The following ABR variants were observed in gnomAD, a reference collection of about 807,000 sequenced individuals.
ABR encodes ABR activator of RhoGEF and GTPase, also known as active breakpoint cluster region-related protein.
In ABR, 35 loss-of-function variants were observed where a neutral mutation model predicts 107.2. The ratio of observed to expected loss-of-function variants is 0.33; its 90% CI spans 0.25 to 0.43. The LOEUF (loss-of-function observed/expected upper bound fraction) is 0.43. ABR is among the 20% of genes least tolerant of loss of function. The pLI, the probability that ABR is intolerant of heterozygous loss-of-function variation, is 1.00. For missense variants in ABR, 815 were observed against 1,115.2 expected (o/e 0.73, Z 3.83); for synonymous variants, 498 against 462.0 (o/e 1.08, Z -1.00).
intron 10 of ABR, among the ~76,000 whole-genome samples, chr17:1,061,325 C>T (rs555059281): frequency 6.6e-6 from 1 of 152,300 alleles, no homozygotes; most frequent in Non-Finnish European, 1.5e-5. Context: ...GGGCAGGGCC[C>T]AGCCGTTCAG....
Position 1,179,518 on chromosome 17 carries a change from A to C in ABR, c.61+149T>G. The C allele has an allele frequency of 2.7e-6, 2 of 733,522 alleles. No homozygotes were observed. The highest frequency in any genetic ancestry group is 3.7e-6 in the Non-Finnish European group (2 of 539,348). The allele number at this position is 733,522 out of a possible 1,614,324, so 45.4% of individuals were successfully genotyped here. ...CAACCCGACCCCGATCCGGACCCCGATCTCGCCCCCGCCCGCGCTCCCCGG... is the reference window on the plus strand; with the variant it reads ...CAACCCGACCCCGATCCGGACCCCGCTCTCGCCCCCGCCCGCGCTCCCCGG... On this transcript the variant is annotated intron_variant, in intron 1 of 22. Transcript: ENST00000302538. This position sits in a 1 kb window ranked among gnomAD's most constrained non-coding sequence, Gnocchi z 4.9.
At chr17:1,061,909 C>G (rs750803964) in intron 10 of ABR, among the ~76,000 whole-genome samples, 18 of 152,178 alleles carry the variant, frequency 1.2e-4, no homozygotes, top group Non-Finnish European at 2.5e-4. Flanking sequence ...ATAGCGCTGT[C>G]CCTGGAGTTC....
Position 1,149,820 on chromosome 17 carries a change from C to G in ABR, c.62-24453G>C, listed in dbSNP as rs76226581. On this transcript the variant is annotated intron_variant, in intron 1 of 22. Coordinates refer to ENST00000302538, the MANE Select transcript of ABR (RefSeq NM_021962.5). ...ACCTGTCAGCTCCAAATGCCAGGAG[C>G]CAGGCTCTCCGAATTCCACTCCCAG... is the stretch of plus-strand genomic sequence containing the variant. 3.3e-3 allele frequency among the ~76,000 whole-genome samples: 500 copies of G among 152,344 alleles called. 3 individuals are homozygous for G. Among genetic ancestry groups the G allele is most frequent in the African/African-American group, 0.011 (452 of 41,572 alleles).
intron 2 of ABR, among the ~76,000 whole-genome samples, chr17:1,121,080 C>T (rs1469608959): frequency 6.6e-6 from 1 of 152,254 alleles, no homozygotes; most frequent in African/African-American, 2.4e-5. Context: ...GTCTGTGGGC[C>T]TGGCCCTGCC....
intron 2 of ABR, among the ~76,000 whole-genome samples, chr17:1,122,324 T>C (rs1418222526): frequency 2.0e-5 from 3 of 152,252 alleles, no homozygotes; most frequent in Non-Finnish European, 4.4e-5. Flanking sequence ...GGTGTCCAGA[T>C]ACTTGTCCAA....
At chr17:1,165,953 C>T (rs932948087) in intron 1 of ABR, among the ~76,000 whole-genome samples, 1 of 152,034 alleles carries the variant, frequency 6.6e-6, no homozygotes, top group African/African-American at 2.4e-5. Flanking sequence ...TCCCCAGAGC[C>T]CACGCAGATG....
intron 1 of ABR, among the ~76,000 whole-genome samples, chr17:1,142,608 G>A (rs1200470832): frequency 1.3e-5 from 2 of 151,688 alleles, no homozygotes; most frequent in Non-Finnish European, 2.9e-5. Context: ...AAAATACTCT[G>A]AAGCAGCCTA....
intron 2 of ABR, among the ~76,000 whole-genome samples, chr17:1,110,345 ATGAGGGTGCGGGTGAGGCC>A (rs957211250): frequency 6.6e-6 from 1 of 151,938 alleles, no homozygotes; most frequent in African/African-American, 2.4e-5. Context: ...AACGGCACCC[ATGAGGGTGCGGGTGAGGCC>A]TGCGGGTGAG....
Position 1,006,041 on chromosome 17 carries a change from G to A in ABR, c.*39C>T, listed in dbSNP as rs929452368. On this transcript the variant is annotated 3_prime_UTR_variant, in exon 23 of 23. Coordinates refer to ENST00000302538, the MANE Select transcript of ABR (RefSeq NM_021962.5). ...CTGAGTTGGACCCCAGGCTGGAGGG[G>A]CTGGTTCCACCACCCGCCCGCAGCC... 1.3e-5 allele frequency: 19 copies of A among 1,508,206 alleles called. No individual in the cohort carries two copies. The highest frequency in any genetic ancestry group is 3.9e-5 in the Admixed American group (2 of 50,980). 93.4% of individuals were successfully genotyped at this position (1,508,206 alleles called of 1,614,324 possible).
intron 2 of ABR, among the ~76,000 whole-genome samples, chr17:1,101,836 C>T (rs1293705930): frequency 1.3e-5 from 2 of 151,724 alleles, no homozygotes; most frequent in Non-Finnish European, 2.9e-5. Flanking sequence ...CGGGTTCACG[C>T]CATTCTCCTG....
chr17:1,085,354 G>A (rs1200864765), intron 4 of ABR, among the ~76,000 whole-genome samples: 2 of 151,072 alleles, frequency 1.3e-5, no homozygotes, highest in East Asian at 3.9e-4. Flanking sequence ...CTGACCTCGT[G>A]ATCCACCCGC....
chr17:1,139,548 G>A (rs1290304076), intron 1 of ABR, among the ~76,000 whole-genome samples: 5 of 136,814 alleles, frequency 3.7e-5, no homozygotes, highest in Non-Finnish European at 5.0e-5. Flanking sequence ...CACCGTGCCC[G>A]GCCTGTTTTT....
At chr17:1,222,933 G>C (rs950303915) in intron 1 of ABR, among the ~76,000 whole-genome samples, 4 of 137,644 alleles carry the variant, frequency 2.9e-5, no homozygotes, top group African/African-American at 1.1e-4. Context: ...CAGGGACAGT[G>C]GCTTACACCT....
At chr17:1,171,347 T>C (rs566407593) in intron 1 of ABR, among the ~76,000 whole-genome samples, 13 of 152,296 alleles carry the variant, frequency 8.5e-5, no homozygotes, top group Admixed American at 6.5e-5. Flanking sequence ...AAGGTAATGA[T>C]GGCCACATCC....
At chr17:1,215,388 G>A (rs1237023026) in intron 1 of ABR, among the ~76,000 whole-genome samples, 21 of 152,296 alleles carry the variant, frequency 1.4e-4, no homozygotes, top group South Asian at 2.1e-4. Flanking sequence ...GCAGGCGCGC[G>A]CTGCCATGCC....
chr17:1,174,320 T>G (rs553374511), intron 1 of ABR, among the ~76,000 whole-genome samples: 1 of 152,236 alleles, frequency 6.6e-6, no homozygotes, highest in South Asian at 2.1e-4. Flanking sequence ...ACTGGGCTAT[T>G]CCGAAAACAA....
At chr17:1,066,374 G>C (rs1275353667) in intron 10 of ABR, among the ~76,000 whole-genome samples, 1 of 152,176 alleles carries the variant, frequency 6.6e-6, no homozygotes, top group Non-Finnish European at 1.5e-5. Flanking sequence ...TTTAAGTCAA[G>C]CATGTTAATT....
At position 1,179,863 on chromosome 17, in the gene ABR, G is replaced by C; in HGVS notation, c.-136C>G. Reference sequence around the variant, plus strand: ...GAGGCCGGGAACCAGGTCCCCGGGAGGAGCGCGGGGCGGCCGGGGCAGGGG... The same window carrying C: ...GAGGCCGGGAACCAGGTCCCCGGGACGAGCGCGGGGCGGCCGGGGCAGGGG... On this transcript the variant is annotated 5_prime_UTR_variant, in exon 1 of 23. Coordinates refer to ENST00000302538, the MANE Select transcript of ABR (RefSeq NM_021962.5). The surrounding 1 kb of genome is among the most constrained non-coding windows in gnomAD (Gnocchi z 4.9). 1 of 902,690 alleles carries C rather than the reference G, an allele frequency of 1.1e-6. No homozygotes were observed. 55.9% of individuals were successfully genotyped at this position (902,690 alleles called of 1,614,324 possible).
rs2041093229 is a variant in ABR at position 1,157,509 on chromosome 17, C to T, written c.61+22158G>A. On this transcript the variant is annotated intron_variant, in intron 1 of 22. Coordinates refer to ENST00000302538, the MANE Select transcript of ABR (RefSeq NM_021962.5). The surrounding 1 kb of genome is among the most constrained non-coding windows in gnomAD (Gnocchi z 4.7). ...CATGTGATCTGCCTGCCTCGGCCTCCCAAAGTGCTGGGATTACAGGCGTGA... is the reference window on the plus strand; with the variant it reads ...CATGTGATCTGCCTGCCTCGGCCTCTCAAAGTGCTGGGATTACAGGCGTGA... Among the ~76,000 whole-genome samples, 1 of 152,062 alleles carries T rather than the reference C, an allele frequency of 6.6e-6. No individual in the cohort carries two copies.
Sources: gnomAD v4.1 joint callset for allele counts (sites outside exome capture counted in the v4.1 genomes callset) on GRCh38, gnomAD v4.1.1 for gene constraint, Gnocchi (gnomAD v3.1) non-coding constraint, MANE v1.5 for transcripts, NCBI Gene and HGNC (gene_info 2026-07-23, HGNC 2026-07-21) for gene names.